ZNF804A: variants seen among roughly 807,000 people sequenced by gnomAD.
The protein encoded by ZNF804A is zinc finger protein 804A.
In ZNF804A, 2 loss-of-function variants were observed where a neutral mutation model predicts 16.5. That is an observed-to-expected ratio of 0.12 (90% CI 0.05 to 0.38). ZNF804A has a LOEUF of 0.38. Ranked by LOEUF, ZNF804A falls within the 10% of genes least tolerant of loss-of-function variation. ZNF804A has a pLI of 0.99. For missense variants in ZNF804A, 1,473 were observed against 1,390.7 expected (o/e 1.06, Z -0.94); for synonymous variants, 534 against 489.6 (o/e 1.09, Z -1.20).
intron 1 of ZNF804A, among the ~76,000 whole-genome samples, chr2:184,774,008 A>T (rs867917896): frequency 3.3e-5 from 5 of 151,868 alleles, no homozygotes; most frequent in Admixed American, 6.6e-5. Context: ...TGTCAGTAAA[A>T]ATTAGAAAAA....
chr2:184,875,947 A>T (rs1257783772), intron 2 of ZNF804A, among the ~76,000 whole-genome samples: 1 of 152,054 alleles, frequency 6.6e-6, no homozygotes, highest in Non-Finnish European at 1.5e-5. Flanking sequence ...CTTTGAAGAG[A>T]TAGAAAAGGG....
chr2:184,673,981 C>T (rs575860414), intron 1 of ZNF804A, among the ~76,000 whole-genome samples: 2 of 152,120 alleles, frequency 1.3e-5, no homozygotes, highest in East Asian at 1.9e-4. Context: ...CTATCTCACC[C>T]GCTAGTGAAA....
At chr2:184,639,527 G>A (rs980238383) in intron 1 of ZNF804A, among the ~76,000 whole-genome samples, 23 of 152,108 alleles carry the variant, frequency 1.5e-4, no homozygotes, top group Admixed American at 3.9e-4. Flanking sequence ...TCAAGATTGA[G>A]AATATGTTTA....
At chr2:184,926,715 C>A (rs1375028812) in intron 2 of ZNF804A, among the ~76,000 whole-genome samples, 1 of 152,046 alleles carries the variant, frequency 6.6e-6, no homozygotes, top group Non-Finnish European at 1.5e-5. Flanking sequence ...GCTTTTGTCT[C>A]CTCTGACTTC....
chr2:184,911,611 ATT>A (rs1035487188), intron 2 of ZNF804A, among the ~76,000 whole-genome samples: 1 of 151,062 alleles, frequency 6.6e-6, no homozygotes, highest in Non-Finnish European at 1.5e-5. Flanking sequence ...TGAGCATGGA[ATT>A]TTTTTTTATT....
chr2:184,827,219 T>A (rs1342453218), intron 1 of ZNF804A, among the ~76,000 whole-genome samples: 1 of 151,490 alleles, frequency 6.6e-6, no homozygotes, highest in Non-Finnish European at 1.5e-5. Context: ...GGTTCTATTA[T>A]AGATGAGATA....
intron 1 of ZNF804A, among the ~76,000 whole-genome samples, chr2:184,660,158 T>G: frequency 6.6e-6 from 1 of 152,310 alleles, no homozygotes; most frequent in South Asian, 2.1e-4. Flanking sequence ...TTAGTAGTTT[T>G]AATGTAATTA....
chr2:184,818,736 A>C (rs577426994), intron 1 of ZNF804A, among the ~76,000 whole-genome samples: 1 of 152,148 alleles, frequency 6.6e-6, no homozygotes, highest in Admixed American at 6.6e-5. Flanking sequence ...AAAAAACAAA[A>C]AGCAGGAGTT....
chr2:184,911,708 T>C (rs1275799303), intron 2 of ZNF804A, among the ~76,000 whole-genome samples: 2 of 151,896 alleles, frequency 1.3e-5, no homozygotes, highest in African/African-American at 4.8e-5. Context: ...AGACGTATTC[T>C]TGGATATTTT....
intron 1 of ZNF804A, among the ~76,000 whole-genome samples, chr2:184,717,198 G>T (rs534965606): frequency 6.6e-6 from 1 of 152,260 alleles, no homozygotes; most frequent in African/African-American, 2.4e-5. Flanking sequence ...ATTAGTTTTT[G>T]TACGTCTCTC....
chr2:184,843,900 T>C (rs1230985381), intron 1 of ZNF804A, among the ~76,000 whole-genome samples: 2 of 152,118 alleles, frequency 1.3e-5, no homozygotes, highest in African/African-American at 4.8e-5. Flanking sequence ...ATAGTTGGAG[T>C]AATATCTACC....
At chr2:184,727,878 T>A (rs185133028) in intron 1 of ZNF804A, among the ~76,000 whole-genome samples, 1 of 151,870 alleles carries the variant, frequency 6.6e-6, no homozygotes, top group African/African-American at 2.4e-5. Context: ...TTGGTATTGT[T>A]ATTATTGGCA....
chr2:184,915,595 A>T (rs937447795), intron 2 of ZNF804A, among the ~76,000 whole-genome samples: 9 of 152,162 alleles, frequency 5.9e-5, no homozygotes, highest in African/African-American at 2.2e-4. Context: ...ACAATGCATG[A>T]GACACTTCTG....
chr2:184,846,953 A>G (rs1427134422), intron 1 of ZNF804A, among the ~76,000 whole-genome samples: 6 of 152,120 alleles, frequency 3.9e-5, no homozygotes, highest in Admixed American at 3.9e-4. Context: ...ACATGAACAG[A>G]TTCTAAGGTT....
chr2:184,724,092 A>C (rs575374154), intron 1 of ZNF804A, among the ~76,000 whole-genome samples: 3 of 151,606 alleles, frequency 2.0e-5, no homozygotes, highest in African/African-American at 7.2e-5. Context: ...TCTCTTCCTC[A>C]TCAAAATCTC....
At chr2:184,931,936 G>C (rs1559006653) in intron 2 of ZNF804A, among the ~76,000 whole-genome samples, 1 of 152,062 alleles carries the variant, frequency 6.6e-6, no homozygotes, top group Admixed American at 6.6e-5. Context: ...CTTCCAAAAA[G>C]TTTCACAAAT....
At chr2:184,845,006 C>A (rs1695492045) in intron 1 of ZNF804A, among the ~76,000 whole-genome samples, 1 of 151,856 alleles carries the variant, frequency 6.6e-6, no homozygotes, top group Non-Finnish European at 1.5e-5. Context: ...ATGGATAAGT[C>A]TGTTGAAGAC....
intron 1 of ZNF804A, among the ~76,000 whole-genome samples, chr2:184,810,484 CTTTT>C (rs1175105602): frequency 1.0e-5 from 1 of 95,970 alleles, no homozygotes; most frequent in Non-Finnish European, 1.9e-5. Context: ...TGTTCTTTTC[CTTTT>C]TTTTTTTTTT....
chr2:184,776,234 G>A (rs1558958443), intron 1 of ZNF804A, among the ~76,000 whole-genome samples: 2 of 151,598 alleles, frequency 1.3e-5, no homozygotes, highest in Admixed American at 1.3e-4. Context: ...GTTCCTGATG[G>A]CTATAGAAGA....
Sources: allele counts gnomAD v4.1 joint callset (sites outside exome capture counted in the v4.1 genomes callset), GRCh38; gene constraint gnomAD v4.1.1; transcripts MANE v1.5; gene names NCBI Gene and HGNC (gene_info 2026-07-23, HGNC 2026-07-21).